THADA: variants seen among roughly 807,000 people sequenced by gnomAD.
THADA encodes tRNA (32-2'-O)-methyltransferase regulator THADA.
In THADA, 213 loss-of-function variants were observed where a neutral mutation model predicts 219.8. That is an observed-to-expected ratio of 0.97 (90% CI 0.87 to 1.09). The LOEUF (loss-of-function observed/expected upper bound fraction) is 1.09. Ranked by LOEUF, THADA falls within the 50% of genes least tolerant of loss-of-function variation. The pLI, the probability that THADA is intolerant of heterozygous loss-of-function variation, is 0.00. For missense variants in THADA, 2,956 were observed against 2,311.3 expected (o/e 1.28, Z -5.72); for synonymous variants, 1,018 against 828.9 (o/e 1.23, Z -3.92).
At chr2:43,593,694 C>T (rs954653750) in intron 1 of THADA, among the ~76,000 whole-genome samples, 1 of 142,794 alleles carries the variant, frequency 7.0e-6, no homozygotes, top group African/African-American at 2.7e-5. Flanking sequence ...AGTGCAGTGG[C>T]GCGATCTGCG....
chr2:43,530,742 C>T (rs1019685963), intron 21 of THADA, among the ~76,000 whole-genome samples: 1 of 152,168 alleles, frequency 6.6e-6, no homozygotes. Flanking sequence ...ATTTTCATTG[C>T]TTCCTTTATT....
chr2:43,233,823 G>C (rs1667722182), intron 36 of THADA, among the ~76,000 whole-genome samples: 3 of 152,014 alleles, frequency 2.0e-5, no homozygotes, highest in Non-Finnish European at 4.4e-5. Flanking sequence ...CTGAAACACG[G>C]GACTGAAAGC....
chr2:43,271,891 A>G (rs1672165236), intron 36 of THADA, among the ~76,000 whole-genome samples: 1 of 152,232 alleles, frequency 6.6e-6, no homozygotes, highest in East Asian at 1.9e-4. Flanking sequence ...CTAGGATTAC[A>G]GGCGTGAGCC....
chr2:43,426,652 C>A (rs893616438), intron 28 of THADA, among the ~76,000 whole-genome samples: 7 of 152,196 alleles, frequency 4.6e-5, no homozygotes, highest in African/African-American at 1.7e-4. Context: ...TTGGCGCAAA[C>A]AAATAGCTCT....
chr2:43,324,053 C>T (rs17030687), intron 30 of THADA, among the ~76,000 whole-genome samples: 7,426 of 152,208 alleles, frequency 0.049, 462 homozygotes, highest in African/African-American at 0.15. Flanking sequence ...TGTGGCCTCA[C>T]AGAGTCATAG....
At chr2:43,288,356 T>C (rs1674299045) in intron 34 of THADA, among the ~76,000 whole-genome samples, 1 of 152,228 alleles carries the variant, frequency 6.6e-6, no homozygotes. Context: ...GGGCGGAGGC[T>C]GCAGTGAGCC....
chr2:43,298,646 T>G (rs1382570790), intron 31 of THADA, among the ~76,000 whole-genome samples: 3 of 151,962 alleles, frequency 2.0e-5, no homozygotes, highest in East Asian at 3.9e-4. Context: ...AAGAACTATC[T>G]GGGCTGTTCT....
intron 25 of THADA, among the ~76,000 whole-genome samples, chr2:43,493,388 G>C (rs181925461): frequency 4.9e-4 from 74 of 152,258 alleles, no homozygotes; most frequent in African/African-American, 1.6e-3. Context: ...CCAGCTACTA[G>C]TGAGGCTGAG....
chr2:43,377,236 C>G (rs895022676), intron 29 of THADA, among the ~76,000 whole-genome samples: 2 of 152,156 alleles, frequency 1.3e-5, no homozygotes, highest in African/African-American at 4.8e-5. Flanking sequence ...TCCTTTCCTA[C>G]TTGAATAATT....
chr2:43,257,579 C>G (rs1670474330), intron 36 of THADA, among the ~76,000 whole-genome samples: 1 of 152,238 alleles, frequency 6.6e-6, no homozygotes, highest in Non-Finnish European at 1.5e-5. Flanking sequence ...CCGTTGGCAT[C>G]TGTTCTAGGA....
intron 32 of THADA, 94 bp downstream of exon 32, chr2:43,292,740 A>C: frequency 6.7e-7 from 1 of 1,496,930 alleles, no homozygotes; most frequent in Non-Finnish European, 9.0e-7. Flanking sequence ...TGGAGAGCCT[A>C]AACCCAATCT....
Position 43,498,868 on chromosome 2 carries a change from C to G in THADA, c.3709G>C (p.Ala1237Pro). Residue 1237 changes from alanine (A) to proline (P), a missense_variant, in exon 25 of 38, where the codon GCT (alanine) becomes CCT (proline). Transcript: ENST00000405975. ...GGTGATGTAAAACCCAGAATTGCAG[C>G]CTTAGCTCCATCAGCAACATAAGGA... is the stretch of plus-strand genomic sequence containing the variant. Reference protein sequence around the residue: ...IIPYVADGAKAAILGFTSPVW... With the variant: ...IIPYVADGAKPAILGFTSPVW... 1.2e-6 allele frequency: 2 copies of G among 1,612,704 alleles called. No homozygotes were observed. The highest frequency in any genetic ancestry group is 1.7e-6 in the Non-Finnish European group (2 of 1,179,438).
rs771180604 is a variant in THADA, at chr2:43,586,738, T to G, written c.452-4A>C. 32 of 1,611,920 alleles carry G rather than the reference T, an allele frequency of 2.0e-5. No homozygotes were observed. In the African/African-American group the frequency reaches 3.5e-4, roughly 18 times the overall value. ...AGATTATTAACACTTGCTCTACCTG[T>G]AGAGGAAAAAATGAACACTGGTAAG... On this transcript the variant is annotated splice_region_variant and splice_polypyrimidine_tract_variant and intron_variant, in intron 5 of 37. Transcript: ENST00000405975.
intron 30 of THADA, among the ~76,000 whole-genome samples, chr2:43,330,106 G>C (rs1468222648): frequency 6.6e-6 from 1 of 152,170 alleles, no homozygotes. Flanking sequence ...TGCTAACCTT[G>C]AGTATTCTCT....
At chr2:43,286,859 A>C in intron 35 of THADA, 49 bp downstream of exon 35, 1 of 1,580,692 alleles carries the variant, frequency 6.3e-7, no homozygotes, top group African/African-American at 1.3e-5. Context: ...ATATCTATTC[A>C]TATTTTAAGT....
chr2:43,247,351 T>C (rs1012466234), intron 36 of THADA, among the ~76,000 whole-genome samples: 2 of 152,116 alleles, frequency 1.3e-5, no homozygotes, highest in South Asian at 4.2e-4. Flanking sequence ...TGTGATTTGG[T>C]GGAAACAAAC....
At chr2:43,525,105 T>C (rs1376727912) in intron 22 of THADA, among the ~76,000 whole-genome samples, 1 of 152,068 alleles carries the variant, frequency 6.6e-6, no homozygotes, top group Non-Finnish European at 1.5e-5. Context: ...ACTCAACACA[T>C]AAAAAACAAA....
chr2:43,536,572 A>G (rs1218603561), intron 21 of THADA, among the ~76,000 whole-genome samples: 1 of 152,202 alleles, frequency 6.6e-6, no homozygotes, highest in Non-Finnish European at 1.5e-5. Context: ...GTATCTCTAT[A>G]GGGAAATTAA....
chr2:43,498,710 T>C, intron 25 of THADA, 123 bp downstream of exon 25: 3 of 1,126,072 alleles, frequency 2.7e-6, no homozygotes, highest in South Asian at 3.9e-5. Context: ...GATCCAAAGA[T>C]TTCTAAGAAA....
Sources: allele counts gnomAD v4.1 joint callset (sites outside exome capture counted in the v4.1 genomes callset), GRCh38; gene constraint gnomAD v4.1.1; transcripts MANE v1.5; gene names NCBI Gene and HGNC (gene_info 2026-07-23, HGNC 2026-07-21).